The following NID2 variants were observed in gnomAD, a reference collection of about 807,000 sequenced individuals.
NID2 encodes the protein nidogen-2.
Under a neutral mutation model 145.4 loss-of-function variants are expected in NID2, and 83 were observed. The ratio of observed to expected loss-of-function variants is 0.57; its 90% CI spans 0.48 to 0.69. NID2 has a LOEUF of 0.69. NID2 is among the 30% of genes least tolerant of loss of function. The pLI is 0.00. For synonymous variants in NID2, 739 were observed against 701.3 expected (o/e 1.05, Z -0.85); for missense variants, 1,807 against 1,765.7 (o/e 1.02, Z -0.42).
chr14:52,053,460 G>A (rs1398537087), intron 5 of NID2, 119 bp downstream of exon 5: 2 of 1,102,996 alleles, frequency 1.8e-6, no homozygotes, highest in Non-Finnish European at 2.6e-6. Context: ...TTAAAAATTA[G>A]ATCCAATCTT....
rs1555361304 is a variant in NID2, at chr14:52,005,220, A to ACAAGAAGTTGC, written c.*255_*265dup. 8.6e-6 allele frequency: 3 copies of ACAAGAAGTTGC among 348,918 alleles called. No individual in the cohort carries two copies. The Admixed American group carries it at 1.3e-4, about 15-fold the overall frequency. The allele number at this position is 348,918 out of a possible 1,614,324, so 21.6% of individuals were successfully genotyped here. On this transcript the variant is annotated 3_prime_UTR_variant, in exon 22 of 22. Transcript: ENST00000216286. Reference sequence around the variant, plus strand: ...TTTTAAATATTAATGATAAATGTTTACAAGAAGTTGCTTTAATAAGCAACA... The same window carrying ACAAGAAGTTGC: ...TTTTAAATATTAATGATAAATGTTTACAAGAAGTTGCCAAGAAGTTGCTTTAATAAGCAACA...
chr14:52,017,944 G>A (rs533326943), intron 14 of NID2, among the ~76,000 whole-genome samples: 62 of 152,184 alleles, frequency 4.1e-4, no homozygotes, highest in African/African-American at 1.3e-3. Context: ...TCAGCCTCCC[G>A]AGGAGCTGGG....
chr14:52,047,149 C>G (rs1255285199), intron 5 of NID2, among the ~76,000 whole-genome samples: 2 of 152,190 alleles, frequency 1.3e-5, no homozygotes, highest in Admixed American at 6.5e-5. Context: ...AAATTCACAT[C>G]CTGAAGCTTA....
chr14:52,036,097 G>C (rs545789432), intron 9 of NID2, among the ~76,000 whole-genome samples: 1 of 152,012 alleles, frequency 6.6e-6, no homozygotes, highest in East Asian at 1.9e-4. Flanking sequence ...TTATCCAACC[G>C]TCACCACAAT....
chr14:52,063,230 T>A (rs529817845), intron 2 of NID2, among the ~76,000 whole-genome samples: 60 of 152,324 alleles, frequency 3.9e-4, no homozygotes, highest in African/African-American at 1.3e-3. Context: ...ACAGGCTCTG[T>A]CTCCAAAGAG....
intron 18 of NID2, 119 bp downstream of exon 18, chr14:52,010,757 A>G (rs1890981356): frequency 1.0e-6 from 1 of 956,706 alleles, no homozygotes; most frequent in East Asian, 2.4e-5. Flanking sequence ...AATCTTTGTT[A>G]CATGAATGCA....
rs1222949076 is a variant in NID2, at chr14:52,030,662, GAAA to G, written c.2258-975_2258-973del. On this transcript the variant is annotated intron_variant, in intron 9 of 21. Transcript: ENST00000216286. ...AGAAAGAAAAAGAGAAAGAAAGAAAGAAAAAGAAAAGAAAGAAAAGGAAAAGAA... is the reference window on the plus strand; with the variant it reads ...AGAAAGAAAAAGAGAAAGAAAGAAAGAAGAAAAGAAAGAAAAGGAAAAGAA... Among the ~76,000 whole-genome samples the G allele has an allele frequency of 6.0e-5, 9 of 150,854 alleles. No individual in the cohort carries two copies. The East Asian group carries it at 7.8e-4, about 13-fold the overall frequency.
Position 52,011,550 on chromosome 14 carries a change from T to A in NID2, c.3550+4A>T. The stretch of plus-strand genomic sequence containing the variant: ...AATGCAGACTGCTGAGTGAAGCTGC[T>A]GACCTGAATTCACGATCGTCTCAGG... On this transcript the variant is annotated splice_donor_region_variant and intron_variant, in intron 17 of 21. Coordinates refer to ENST00000216286, the MANE Select transcript of NID2 (RefSeq NM_007361.4). 6.2e-7 allele frequency: 1 copy of A among 1,614,084 alleles called. No individual in the cohort carries two copies. Among genetic ancestry groups the A allele is most frequent in the Non-Finnish European group, 8.5e-7 (1 of 1,180,020 alleles).
intron 5 of NID2, among the ~76,000 whole-genome samples, chr14:52,047,627 G>T (rs894778334): frequency 6.6e-6 from 1 of 152,126 alleles, no homozygotes; most frequent in African/African-American, 2.4e-5. Context: ...GCCCAGGTCT[G>T]GGATATTCTG....
chr14:52,008,026 T>G, intron 18 of NID2, 59 bp from the exon 19 acceptor site: 3 of 1,422,296 alleles, frequency 2.1e-6, no homozygotes, highest in Non-Finnish European at 2.9e-6. Context: ...GTAGGCAGCA[T>G]CTAAGCAGCC....
chr14:52,006,727 A>G, intron 19 of NID2, 67 bp from the exon 20 acceptor site: 1 of 1,539,010 alleles, frequency 6.5e-7, no homozygotes, highest in Non-Finnish European at 9.0e-7. Flanking sequence ...TGACATAGTG[A>G]TAGTGACACA....
At position 52,006,587 on chromosome 14, in the gene NID2, G is replaced by T; in HGVS notation, c.3954C>A (p.Pro1318=). 6.2e-7 allele frequency: 1 copy of T among 1,613,900 alleles called. No homozygotes were observed. Among genetic ancestry groups the T allele is most frequent in the Admixed American group, 1.7e-5 (1 of 60,026 alleles). The stretch of plus-strand genomic sequence containing the variant: ...GATCTGCATAGCTTACGATGCTGAA[G>T]GGGTACTTGAGGTTGTTTTGAATGA... ...RRVIQNNLKY[P]FSIVSYADHF... Residue 1318 remains proline, a synonymous_variant, in exon 20 of 22, where the codon CCC becomes CCA. Coordinates refer to ENST00000216286, the MANE Select transcript of NID2 (RefSeq NM_007361.4).
chr14:52,033,668 G>C (rs1891956369), intron 9 of NID2, among the ~76,000 whole-genome samples: 1 of 152,248 alleles, frequency 6.6e-6, no homozygotes, highest in Non-Finnish European at 1.5e-5. Context: ...ATACTGCTGT[G>C]TACCAAGAGG....
chr14:52,040,132 G>A (rs1892224684), intron 8 of NID2, among the ~76,000 whole-genome samples: 1 of 152,112 alleles, frequency 6.6e-6, no homozygotes, highest in South Asian at 2.1e-4. Context: ...GTAGAAACAG[G>A]TTTTCACCAT....
chr14:52,013,121 C>T (rs1891092789), intron 16 of NID2, among the ~76,000 whole-genome samples: 1 of 152,144 alleles, frequency 6.6e-6, no homozygotes, highest in Admixed American at 6.5e-5. Context: ...ATTCATAAAC[C>T]CATGTCATAA....
rs201878901 is a variant in NID2 at position 52,054,102 on chromosome 14, C to A, written c.987G>T (p.Pro329=). 2 of 1,614,158 alleles carry A rather than the reference C, an allele frequency of 1.2e-6. No homozygotes were observed. The highest frequency in any genetic ancestry group is 1.7e-6 in the Non-Finnish European group (2 of 1,180,026). The stretch of plus-strand genomic sequence containing the variant: ...CATTCAATGCCTCCTCTGGTTCACC[C>A]GGAAGGTATTCAGCTTCCTCCTCAT... The part of the protein sequence containing the change: ...DVNEEEAEYL[P]GEPEEALNGH... Residue 329 remains proline, a synonymous_variant, in exon 4 of 22, where the codon CCG becomes CCT. Transcript: ENST00000216286.
chr14:52,028,693 C>T, intron 11 of NID2, 29 bp downstream of exon 11: 1 of 1,606,750 alleles, frequency 6.2e-7, no homozygotes, highest in Non-Finnish European at 8.5e-7. Flanking sequence ...ACCATTTTGG[C>T]CACACAGGAA....
At chr14:52,035,129 T>C (rs2140389769) in intron 9 of NID2, among the ~76,000 whole-genome samples, 1 of 152,298 alleles carries the variant, frequency 6.6e-6, no homozygotes, top group African/African-American at 2.4e-5. Context: ...TATTAACTAA[T>C]GCCCATAGTC....
chr14:52,032,273 C>T (rs1481246687), intron 9 of NID2, among the ~76,000 whole-genome samples: 5 of 152,224 alleles, frequency 3.3e-5, no homozygotes. Context: ...ATCCTCAGTT[C>T]ACCACAATGT....
Sources: gnomAD v4.1 joint callset for allele counts (sites outside exome capture counted in the v4.1 genomes callset) on GRCh38, gnomAD v4.1.1 for gene constraint, MANE v1.5 for transcripts, NCBI Gene and HGNC (gene_info 2026-07-23, HGNC 2026-07-21) for gene names.